The following CENPC variants were observed in gnomAD, a reference collection of about 807,000 sequenced individuals.
The protein encoded by CENPC is CENP-C 1.
Under a neutral mutation model 112.1 loss-of-function variants are expected in CENPC, and 63 were observed. The observed-to-expected ratio is 0.56, with a 90% CI of 0.46 to 0.69. CENPC has a LOEUF of 0.69. Among genes scored for constraint, CENPC ranks in the 30% least tolerant of loss-of-function variants. The probability of loss-of-function intolerance (pLI) is 0.00; values close to 1 mark genes in which losing one functional copy is unlikely to be tolerated. For synonymous variants in CENPC, 333 were observed against 367.6 expected, an observed-to-expected ratio of 0.91 and a Z score of 1.08; for missense variants, 1,000 against 1,103.8, an observed-to-expected ratio of 0.91 and a Z score of 1.33.
chr4:67,518,467 A>T, intron 6 of CENPC, 99 bp from the exon 7 acceptor site: 4 of 1,237,476 alleles, frequency 3.2e-6, no homozygotes, highest in Middle Eastern at 3.0e-4. Flanking sequence ...AGACCAATTT[A>T]AAATTCTGTA....
chr4:67,494,972 C>T lies in CENPC; in HGVS notation c.2185+187G>A, dbSNP rs967518845. Among the ~76,000 whole-genome samples, 15 of 152,276 alleles carry T rather than the reference C, an allele frequency of 9.9e-5. 1 individual carries two copies. The East Asian group carries it at 2.9e-3, about 29-fold the overall frequency. ...ATAGGATTTATAAATGGACAATAGA[C>T]TAATTCAAGTGGCTTGTGGTGACTT... On this transcript the variant is annotated intron_variant, in intron 13 of 18. Transcript: ENST00000273853.
At chr4:67,506,092 C>A (rs1177516564) in intron 11 of CENPC, among the ~76,000 whole-genome samples, 1 of 152,050 alleles carries the variant, frequency 6.6e-6, no homozygotes, top group Admixed American at 6.6e-5. Context: ...AAATCTTAGC[C>A]ATCCCTTAAA....
rs1443984523 is a variant in CENPC at position 67,494,008 on chromosome 4, A to C, written c.2186-20T>G. ...GCAATACTATAAAAAGATGTCAGACAAAAGTGTATACATAGTTTTTAGTTG... is the reference window on the plus strand; with the variant it reads ...GCAATACTATAAAAAGATGTCAGACCAAAGTGTATACATAGTTTTTAGTTG... On this transcript the variant is annotated intron_variant, in intron 13 of 18. Coordinates refer to ENST00000273853, the MANE Select transcript of CENPC (RefSeq NM_001812.4). 6.6e-7 allele frequency: 1 copy of C among 1,516,508 alleles called. No individual in the cohort carries two copies. 93.9% of individuals were successfully genotyped at this position (1,516,508 alleles called of 1,614,324 possible).
intron 5 of CENPC, among the ~76,000 whole-genome samples, chr4:67,526,797 T>C (rs937771436): frequency 2.6e-5 from 4 of 152,040 alleles, no homozygotes; most frequent in Admixed American, 6.6e-5. Flanking sequence ...AAAATAGCAA[T>C]AGTGCACAAT....
At chr4:67,540,505 C>G (rs1726857527) in intron 3 of CENPC, among the ~76,000 whole-genome samples, 1 of 152,028 alleles carries the variant, frequency 6.6e-6, no homozygotes. Context: ...CTGGTCTCTA[C>G]TAAAAAATAC....
In CENPC at chr4:67,515,056, A is replaced by G. The variant is rs1157359676; in HGVS notation, c.831-369T>C. Among the ~76,000 whole-genome samples the G allele has an allele frequency of 4.6e-5, 7 of 151,750 alleles. No individual in the cohort carries two copies. The East Asian group carries it at 1.4e-3, about 29-fold the overall frequency. On this transcript the variant is annotated intron_variant, in intron 7 of 18. Transcript: ENST00000273853. ...TATATATAATCTTATATTAAATTAT[A>G]TATTTGTATATATAACTTTTGGGGT...
intron 5 of CENPC, among the ~76,000 whole-genome samples, chr4:67,524,389 A>T (rs891099962): frequency 1.3e-5 from 2 of 152,156 alleles, no homozygotes; most frequent in African/African-American, 4.8e-5. Flanking sequence ...AGAGGAAGTC[A>T]AACTGTCTCT....
At chr4:67,506,457 G>T (rs926441279) in intron 11 of CENPC, among the ~76,000 whole-genome samples, 1 of 152,170 alleles carries the variant, frequency 6.6e-6, no homozygotes, top group Non-Finnish European at 1.5e-5. Flanking sequence ...AGCTGAGAGG[G>T]CCACATGGTT....
At position 67,513,152 on chromosome 4, in the gene CENPC, A is replaced by G. The variant is rs138423981; in HGVS notation, c.1445-583T>C. Among the ~76,000 whole-genome samples the G allele has an allele frequency of 3.5e-4, 54 of 152,264 alleles. No individual in the cohort carries two copies. In the East Asian group the frequency reaches 9.6e-3, roughly 27 times the overall value. Reference sequence around the variant, plus strand: ...GGACCATGAGTCAAGGAATATAGGTAGTTTCAAGAGGGTGGAAAAGGCAAA... The same window carrying G: ...GGACCATGAGTCAAGGAATATAGGTGGTTTCAAGAGGGTGGAAAAGGCAAA... On this transcript the variant is annotated intron_variant, in intron 8 of 18. Coordinates refer to ENST00000273853, the MANE Select transcript of CENPC (RefSeq NM_001812.4).
Position 67,519,217 on chromosome 4 carries a change from CT to C in CENPC, c.616del (p.Arg206GlyfsTer2), listed in dbSNP as rs1325731082. On this transcript the variant is annotated frameshift_variant and splice_region_variant, in exon 6 of 19. Transcript: ENST00000273853. LOFTEE classifies it high-confidence loss of function. ...STEVSVKTKK[R>X]LNFDDKVMLK... Reference sequence around the variant, plus strand: ...TAACATTATTTAAATAAAATGTTACCTTTTTTTGGTTTTAACTGAAACCTCT... The same window carrying C: ...TAACATTATTTAAATAAAATGTTACCTTTTTTGGTTTTAACTGAAACCTCT... 11 of 1,506,934 alleles carry C rather than the reference CT, an allele frequency of 7.3e-6. No individual in the cohort carries two copies. The highest frequency in any genetic ancestry group is 2.0e-4 in the Middle Eastern group (1 of 5,088). 93.3% of individuals were successfully genotyped at this position (1,506,934 alleles called of 1,614,324 possible). A position where few individuals can be genotyped will look rare whatever the true frequency, so the allele number is the denominator to read the frequency against.
At position 67,490,856 on chromosome 4, in the gene CENPC, ATATATATAT is replaced by A. The variant is rs1725233422; in HGVS notation, c.2516-744_2516-736del. On this transcript the variant is annotated intron_variant, in intron 16 of 18. Transcript: ENST00000273853. ...GAAATAAATATATATATATATATATATATATATATATATATATATATAGAAATATATAGA... is the reference window on the plus strand; with the variant it reads ...GAAATAAATATATATATATATATATAATATATATATATAGAAATATATAGA... 2.0e-4 allele frequency among the ~76,000 whole-genome samples: 4 copies of A among 19,926 alleles called. No homozygotes were observed. In the South Asian group the frequency reaches 0.012, roughly 62 times the overall value. 13.1% of individuals were successfully genotyped at this position (19,926 alleles called of 152,430 possible).
chr4:67,519,347 A>G lies in CENPC; in HGVS notation c.487T>C (p.Leu163=), dbSNP rs751010486. Reference sequence around the variant, plus strand: ...TGTGATACAGATGTTTTTGCATCCAAAAGAACAGAAGGTGAGCCAACGGAT... The same window carrying G: ...TGTGATACAGATGTTTTTGCATCCAGAAGAACAGAAGGTGAGCCAACGGAT... ...YLSVGSPSVL[L]DAKTSVSQNV... is the part of the protein sequence containing the mutation. Residue 163 remains leucine, a synonymous_variant, in exon 6 of 19, where the codon TTG becomes CTG. Transcript: ENST00000273853. 52 of 1,612,936 alleles carry G rather than the reference A, an allele frequency of 3.2e-5. No individual in the cohort carries two copies. The highest frequency in any genetic ancestry group is 1.3e-4 in the Admixed American group (8 of 59,972).
intron 17 of CENPC, among the ~76,000 whole-genome samples, chr4:67,489,497 T>C (rs758151364): frequency 6.6e-6 from 1 of 152,064 alleles, no homozygotes; most frequent in African/African-American, 2.4e-5. Context: ...GGTTACTGTT[T>C]TATTGATATA....
chr4:67,524,238 G>C (rs1464511843), intron 5 of CENPC, among the ~76,000 whole-genome samples: 1 of 152,048 alleles, frequency 6.6e-6, no homozygotes, highest in Non-Finnish European at 1.5e-5. Context: ...ACCAAAAATA[G>C]GGTAATGCTT....
chr4:67,528,799 T>C (rs1429664176), intron 5 of CENPC, among the ~76,000 whole-genome samples: 1 of 152,188 alleles, frequency 6.6e-6, no homozygotes, highest in Non-Finnish European at 1.5e-5. Flanking sequence ...AAATGTCTGC[T>C]TCCATCCCTG....
chr4:67,469,534 G>C lies in CENPC; in HGVS notation c.*3071C>G, dbSNP rs1191056853. On this transcript the variant is annotated 3_prime_UTR_variant, in exon 19 of 19. Coordinates refer to ENST00000273853, the MANE Select transcript of CENPC (RefSeq NM_001812.4). ...CTAACTTTTGTATTTTAGTAGAGACGGGGTTTCACCATGTTAGCCAGGCTG... is the reference window on the plus strand; with the variant it reads ...CTAACTTTTGTATTTTAGTAGAGACCGGGTTTCACCATGTTAGCCAGGCTG... 6.6e-6 allele frequency: 1 copy of C among 152,226 alleles called. No individual in the cohort carries two copies. The highest frequency in any genetic ancestry group is 2.4e-5 in the African/African-American group (1 of 41,400). The allele number at this position is 152,226 out of a possible 1,614,324, so 9.4% of individuals were successfully genotyped here. A position where few individuals can be genotyped will look rare whatever the true frequency, so the allele number is the denominator to read the frequency against.
intron 2 of CENPC, among the ~76,000 whole-genome samples, chr4:67,543,421 C>A (rs1225111571): frequency 6.6e-6 from 1 of 152,152 alleles, no homozygotes; most frequent in Non-Finnish European, 1.5e-5. Flanking sequence ...ACACACAAAT[C>A]CCTAATTTCT....
chr4:67,490,207 C>A, intron 16 of CENPC, 86 bp from the exon 17 acceptor site: 4 of 890,726 alleles, frequency 4.5e-6, no homozygotes, highest in Non-Finnish European at 6.3e-6. Flanking sequence ...AATAAAGAGT[C>A]ATTTCTGGAT....
chr4:67,472,819 C>T, intron 18 of CENPC, 144 bp from the exon 19 acceptor site: 1 of 980,824 alleles, frequency 1.0e-6, no homozygotes, highest in Non-Finnish European at 1.3e-6. Flanking sequence ...TATTTAATTC[C>T]ATGAACTACA....
Sources: allele counts gnomAD v4.1 joint callset (sites outside exome capture counted in the v4.1 genomes callset), GRCh38; gene constraint gnomAD v4.1.1; transcripts MANE v1.5; gene names NCBI Gene and HGNC (gene_info 2026-07-23, HGNC 2026-07-21).